Variants in KANK1 observed in about 807,000 individuals in gnomAD.
KANK1 encodes KN motif and ankyrin repeat domains 1.
A neutral mutation model predicts 106.2 loss-of-function variants in KANK1; 109 were observed. The ratio of observed to expected loss-of-function variants is 1.03; its 90% CI spans 0.88 to 1.20. KANK1 has a LOEUF of 1.20. Ranked by LOEUF, KANK1 falls within the 50% of genes most tolerant of loss-of-function variation. The pLI, the probability that KANK1 is intolerant of heterozygous loss-of-function variation, is 0.00. For missense variants in KANK1, 2,399 were observed against 1,710.7 expected, an observed-to-expected ratio of 1.40 and a Z score of -7.10; for synonymous variants, 873 against 652.2, an observed-to-expected ratio of 1.34 and a Z score of -5.16.
At chr9:659,078 G>A (rs1337392636) in intron 1 of KANK1, among the ~76,000 whole-genome samples, 2 of 152,062 alleles carry the variant, frequency 1.3e-5, no homozygotes, top group Admixed American at 1.3e-4. Context: ...CATATAGTTC[G>A]TGCCTATAAG....
intron 2 of KANK1, chr9:686,712 C>T (rs911382840): frequency 6.2e-6 from 6 of 961,778 alleles, no homozygotes; most frequent in Non-Finnish European, 7.4e-6. Context: ...ATGGCAGCAT[C>T]ACGTCATAAG....
intron 1 of KANK1, among the ~76,000 whole-genome samples, chr9:606,142 TACAC>T (rs3028170): frequency 0.049 from 6,942 of 141,626 alleles, 366 homozygotes; most frequent in African/African-American, 0.11. Context: ...CACATATTCC[TACAC>T]ACACACACAC....
intron 1 of KANK1, among the ~76,000 whole-genome samples, chr9:564,056 T>C (rs1290891983): frequency 1.4e-5 from 2 of 144,148 alleles, no homozygotes; most frequent in Non-Finnish European, 2.9e-5. Flanking sequence ...AATGTGCACT[T>C]TCTTTCTTTT....
At chr9:658,222 A>G (rs527552229) in intron 1 of KANK1, among the ~76,000 whole-genome samples, 2 of 152,166 alleles carry the variant, frequency 1.3e-5, no homozygotes, top group Non-Finnish European at 2.9e-5. Flanking sequence ...TAAGAAGCCT[A>G]TGCATAAACA....
chr9:654,814 T>TGAGAGAGA (rs57089042), intron 1 of KANK1, among the ~76,000 whole-genome samples: 2 of 80,416 alleles, frequency 2.5e-5, no homozygotes, highest in South Asian at 5.7e-4. Flanking sequence ...TGTGTGTGTG[T>TGAGAGAGA]GAGAGAGAGA....
rs1236467125 is a variant in KANK1 at position 706,983 on chromosome 9, G to C, written c.38-3821G>C. 8 of 985,396 alleles carry C rather than the reference G, an allele frequency of 8.1e-6. No homozygotes were observed. The East Asian group carries it at 6.8e-4, about 84-fold the overall frequency. 61.0% of individuals were successfully genotyped at this position (985,396 alleles called of 1,614,324 possible). A position where few individuals can be genotyped will look rare whatever the true frequency, so the allele number is the denominator to read the frequency against. ...GAGTGAAGAACACACATTTTCAGAAGATACCGGTTTCCTGTTTTCATTAAG... is the reference window on the plus strand; with the variant it reads ...GAGTGAAGAACACACATTTTCAGAACATACCGGTTTCCTGTTTTCATTAAG... On this transcript the variant is annotated intron_variant, in intron 2 of 11. Transcript: ENST00000382297.
At chr9:660,053 C>T in intron 1 of KANK1, 1 of 395,796 alleles carries the variant, frequency 2.5e-6, no homozygotes, top group South Asian at 2.3e-5. Flanking sequence ...GATACCTGTC[C>T]TGCTGGCACT....
intron 1 of KANK1, among the ~76,000 whole-genome samples, chr9:541,131 A>G (rs902748916): frequency 6.6e-6 from 1 of 152,084 alleles, no homozygotes; most frequent in African/African-American, 2.4e-5. Context: ...ACGAAAAAAA[A>G]ACACAAAAAA....
chr9:711,909 C>A lies in KANK1; in HGVS notation c.1143C>A (p.Ile381=), dbSNP rs1350268742. The A allele has an allele frequency of 6.2e-7, 1 of 1,614,150 alleles. No individual in the cohort carries two copies. ...ACATGCAAGCCCTGGAGCAGAAGAT[C>A]CAGGACAGCAGCTGTGAGGCCTCCT... ...TADMQALEQK[I]QDSSCEASSE... The change falls in exon 3 of 12, where the codon ATC becomes ATA. Residue 381 remains isoleucine, a synonymous_variant. Coordinates refer to ENST00000382297, the MANE Select transcript of KANK1 (RefSeq NM_015158.5).
chr9:732,436 G>A lies in KANK1; in HGVS notation c.3064G>A (p.Asp1022Asn). The A allele has an allele frequency of 6.2e-7, 1 of 1,614,198 alleles. No homozygotes were observed. Among genetic ancestry groups the A allele is most frequent in the South Asian group, 1.1e-5 (1 of 91,072 alleles). The change falls in exon 6 of 12, where the codon GAT (aspartate) becomes AAT (asparagine). Residue 1022 changes from aspartate to asparagine, a missense_variant. Asp to Asn is a conservative substitution (Grantham distance 23). Transcript: ENST00000382297. Reference sequence around the variant, plus strand: ...AGATGAAAGCTCTTCTTCCGAGTCAGATGACGAGTGTGATGTCATTGAGTA... The same window carrying A: ...AGATGAAAGCTCTTCTTCCGAGTCAAATGACGAGTGTGATGTCATTGAGTA... Reference protein sequence around the residue: ...SSDESSSSESDDECDVIEYPL... With the variant: ...SSDESSSSESNDECDVIEYPL...
At chr9:610,897 C>A (rs930766665) in intron 1 of KANK1, among the ~76,000 whole-genome samples, 10 of 152,166 alleles carry the variant, frequency 6.6e-5, no homozygotes, top group African/African-American at 2.2e-4. Flanking sequence ...CGCAAGAGTG[C>A]TGTTTATAAA....
intron 2 of KANK1, among the ~76,000 whole-genome samples, chr9:688,946 G>C (rs1173464445): frequency 6.6e-6 from 1 of 152,124 alleles, no homozygotes; most frequent in Non-Finnish European, 1.5e-5. Context: ...CTGTTTTCTT[G>C]GGAAGGTCTC....
chr9:740,721 A>T (rs888175635), intron 8 of KANK1, 71 bp from the exon 9 acceptor site: 2 of 1,517,926 alleles, frequency 1.3e-6, no homozygotes, highest in East Asian at 4.5e-5. Context: ...CCATCCCTTC[A>T]GTGGCTTCGT....
intron 1 of KANK1, among the ~76,000 whole-genome samples, chr9:535,029 C>T (rs1563730045): frequency 1.3e-5 from 2 of 152,188 alleles, no homozygotes; most frequent in South Asian, 2.1e-4. Context: ...CTGGGCCTCG[C>T]AGCCGTGGGA....
At chr9:638,256 A>G (rs979852904) in intron 1 of KANK1, among the ~76,000 whole-genome samples, 5 of 152,212 alleles carry the variant, frequency 3.3e-5, no homozygotes, top group East Asian at 1.9e-4. Flanking sequence ...TCTTATAGCT[A>G]TGGAGGCTGA....
Position 740,870 on chromosome 9 carries a change from A to G in KANK1, c.3632A>G (p.Glu1211Gly). ...GCGGCCCTCGCCGCTGTGGAAGCAG[A>G]GAAGGACATGCGGATTGTGGAAGAA... The part of the protein sequence containing the change: ...MLAALAAVEA[E>G]KDMRIVEELF... Residue 1211 changes from glutamate (E) to glycine (G), a missense_variant, in exon 9 of 12, where the codon GAG becomes GGG. Physicochemically the swap from Glu to Gly is moderately conservative, Grantham distance 98. Coordinates refer to ENST00000382297, the MANE Select transcript of KANK1 (RefSeq NM_015158.5). The G allele has an allele frequency of 6.2e-7, 1 of 1,614,108 alleles. No homozygotes were observed.
chr9:602,817 C>A (rs1828104102), intron 1 of KANK1, among the ~76,000 whole-genome samples: 1 of 151,828 alleles, frequency 6.6e-6, no homozygotes, highest in African/African-American at 2.4e-5. Flanking sequence ...TTAGTTCTTG[C>A]AAAATAGATC....
Position 599,081 on chromosome 9 carries a change from C to T in KANK1, c.-83-77809C>T, listed in dbSNP as rs1338946429. Among the ~76,000 whole-genome samples the T allele has an allele frequency of 2.5e-4, 36 of 146,244 alleles. 1 individual carries two copies. The highest frequency in any genetic ancestry group is 7.7e-4 in the African/African-American group (30 of 38,736). On this transcript the variant is annotated intron_variant, in intron 1 of 11. Transcript: ENST00000382297. The stretch of plus-strand genomic sequence containing the variant: ...TCACCCAGGCTGGAGTGCAATGGTG[C>T]GATCTTGGCTCACCACAGCCTCCAC...
rs186429721 is a variant in KANK1 at position 642,277 on chromosome 9, G to C, written c.-83-34613G>C. Reference sequence around the variant, plus strand: ...AAATGAGTCTGCAGAAAACTGCGTGGTTAAGTTACCCCATTTGTGTTTTAC... The same window carrying C: ...AAATGAGTCTGCAGAAAACTGCGTGCTTAAGTTACCCCATTTGTGTTTTAC... On this transcript the variant is annotated intron_variant, in intron 1 of 11. Transcript: ENST00000382297. 9.4e-4 allele frequency among the ~76,000 whole-genome samples: 138 copies of C among 147,108 alleles called. 1 individual carries two copies. The highest frequency in any genetic ancestry group is 1.5e-3 in the Non-Finnish European group (105 of 67,948).
Sources: allele counts gnomAD v4.1 joint callset (sites outside exome capture counted in the v4.1 genomes callset), GRCh38; gene constraint gnomAD v4.1.1; transcripts MANE v1.5; gene names NCBI Gene and HGNC (gene_info 2026-07-23, HGNC 2026-07-21).